Variants in HIP1 observed in about 807,000 individuals in gnomAD.
HIP1 encodes huntingtin-interacting protein 1.
Under a neutral mutation model 147.6 loss-of-function variants are expected in HIP1, and 65 were observed. The observed-to-expected ratio is 0.44, with a 90% CI of 0.36 to 0.54. The LOEUF (loss-of-function observed/expected upper bound fraction) is 0.54, where lower values mean the gene tolerates loss of function less well. Ranked by LOEUF, HIP1 falls within the 20% of genes least tolerant of loss-of-function variation. The pLI, the probability that HIP1 is intolerant of heterozygous loss-of-function variation, is 0.00. For synonymous variants in HIP1, 479 were observed against 504.0 expected, an observed-to-expected ratio of 0.95 and a Z score of 0.67; for missense variants, 1,061 against 1,299.6, an observed-to-expected ratio of 0.82 and a Z score of 2.82.
In HIP1 at chr7:75,682,581, G is replaced by GAAAACAAAACAAAACAAAAC. The variant is rs3216943; in HGVS notation, c.120+56200_120+56219dup. On this transcript the variant is annotated intron_variant, in intron 1 of 30. Coordinates refer to ENST00000336926, the MANE Select transcript of HIP1 (RefSeq NM_005338.7). ...GGCCAACATCCTCATTTTACAGACAGAAAACAAAACAAAACAAAACAAAAC... is the reference window on the plus strand; with the variant it reads ...GGCCAACATCCTCATTTTACAGACAGAAAACAAAACAAAACAAAACAAAACAAAACAAAACAAAACAAAAC... 6.4e-3 allele frequency among the ~76,000 whole-genome samples: 953 copies of GAAAACAAAACAAAACAAAAC among 148,760 alleles called. 16 individuals are homozygous for GAAAACAAAACAAAACAAAAC. The highest frequency in any genetic ancestry group is 0.023 in the African/African-American group (909 of 40,062).
Position 75,707,606 on chromosome 7 carries a change from G to T in HIP1, c.120+31195C>A, listed in dbSNP as rs184735075. Among the ~76,000 whole-genome samples, 87 of 151,448 alleles carry T rather than the reference G, an allele frequency of 5.7e-4. 2 individuals carry two copies. Among genetic ancestry groups the T allele is most frequent in the Admixed American group, 2.2e-3 (33 of 15,204 alleles). On this transcript the variant is annotated intron_variant, in intron 1 of 30. Transcript: ENST00000336926. ...GTTGCCTGTTCACTCTGATGGTAAA[G>T]TTCATATGGAACCAAAAAAGAGCCC...
chr7:75,558,088 G>C (rs587652809), intron 15 of HIP1, 79 bp downstream of exon 15: 7 of 1,172,004 alleles, frequency 6.0e-6, no homozygotes, highest in Non-Finnish European at 8.9e-6. Context: ...TGCTGGCCCC[G>C]GGGAAGCCAC....
chr7:75,607,911 T>C (rs1769272335), intron 1 of HIP1, among the ~76,000 whole-genome samples: 1 of 151,936 alleles, frequency 6.6e-6, no homozygotes, highest in African/African-American at 2.4e-5. Flanking sequence ...GCATTAAAAT[T>C]CACAAGATGA....
intron 14 of HIP1, 34 bp from the exon 15 acceptor site, chr7:75,558,289 C>A: frequency 1.3e-6 from 2 of 1,531,324 alleles, no homozygotes; most frequent in South Asian, 1.1e-5. Flanking sequence ...AGGAGTCTAA[C>A]CTAGCAGGGA....
intron 1 of HIP1, among the ~76,000 whole-genome samples, chr7:75,619,515 C>CAAAAAAAAAAA (rs587631989): frequency 9.1e-6 from 1 of 109,718 alleles, no homozygotes; most frequent in African/African-American, 3.4e-5. Context: ...GACTTTGTCT[C>CAAAAAAAAAAA]AAAAAAAAAA....
intron 1 of HIP1, among the ~76,000 whole-genome samples, chr7:75,666,314 G>A (rs575977068): frequency 6.6e-6 from 1 of 151,940 alleles, no homozygotes; most frequent in East Asian, 1.9e-4. Context: ...GATTACAGGT[G>A]CATCATCACC....
At chr7:75,627,208 G>A (rs1204209309) in intron 1 of HIP1, among the ~76,000 whole-genome samples, 2 of 152,136 alleles carry the variant, frequency 1.3e-5, no homozygotes, top group Non-Finnish European at 2.9e-5. Context: ...CTTCAATGAA[G>A]CAAGTGCTTA....
At chr7:75,666,124 A>G (rs1461688193) in intron 1 of HIP1, among the ~76,000 whole-genome samples, 1 of 151,984 alleles carries the variant, frequency 6.6e-6, no homozygotes, top group Admixed American at 6.6e-5. Flanking sequence ...ACCCTCTTGT[A>G]TGGTAGATTT....
Position 75,537,668 on chromosome 7 carries a change from T to G in HIP1, c.*504A>C. 29 of 235,268 alleles carry G rather than the reference T, an allele frequency of 1.2e-4. No individual in the cohort carries two copies. Among genetic ancestry groups the G allele is most frequent in the South Asian group, 6.9e-4 (4 of 5,770 alleles). 14.6% of individuals were successfully genotyped at this position (235,268 alleles called of 1,614,324 possible). On this transcript the variant is annotated 3_prime_UTR_variant, in exon 31 of 31. Coordinates refer to ENST00000336926, the MANE Select transcript of HIP1 (RefSeq NM_005338.7). Reference sequence around the variant, plus strand: ...TGACTGTGCAGATCTCAGGGTAGTGTCCTGGTTTGGAATCCATCAGCCCTC... The same window carrying G: ...TGACTGTGCAGATCTCAGGGTAGTGGCCTGGTTTGGAATCCATCAGCCCTC...
intron 1 of HIP1, among the ~76,000 whole-genome samples, chr7:75,728,043 G>A (rs1359253940): frequency 2.6e-5 from 4 of 152,114 alleles, no homozygotes; most frequent in Non-Finnish European, 5.9e-5. Flanking sequence ...TAATCTCTCT[G>A]AGCCTCAGTG....
chr7:75,679,785 C>T (rs1563288940), intron 1 of HIP1, among the ~76,000 whole-genome samples: 1 of 152,120 alleles, frequency 6.6e-6, no homozygotes, highest in Non-Finnish European at 1.5e-5. Flanking sequence ...TCCAACAGCC[C>T]ATGCCTTTAA....
At chr7:75,616,162 C>T (rs1002035277) in intron 1 of HIP1, among the ~76,000 whole-genome samples, 2 of 151,280 alleles carry the variant, frequency 1.3e-5, no homozygotes, top group Admixed American at 6.6e-5. Flanking sequence ...CTCGTAACAT[C>T]GTCCTAGACA....
intron 1 of HIP1, among the ~76,000 whole-genome samples, chr7:75,706,623 A>ATTTTTTTTTTTTTTTT (rs71082342): frequency 1.9e-5 from 2 of 103,642 alleles, no homozygotes; most frequent in Non-Finnish European, 1.9e-5. Context: ...TCAACTCGTC[A>ATTTTTTTTTTTTTTTT]TTTTTTTTTT....
intron 3 of HIP1, 24 bp downstream of exon 3, chr7:75,592,348 C>A: frequency 6.3e-7 from 1 of 1,588,598 alleles, no homozygotes; most frequent in South Asian, 1.1e-5. Context: ...GGCTCCCTGC[C>A]ACCCCATAGC....
intron 1 of HIP1, among the ~76,000 whole-genome samples, chr7:75,634,249 G>C (rs1798344330): frequency 6.7e-6 from 1 of 149,746 alleles, no homozygotes; most frequent in Non-Finnish European, 1.5e-5. Context: ...AACAGAGTGA[G>C]ACCTTGTCTC....
Position 75,657,474 on chromosome 7 carries a change from G to A in HIP1, c.121-58227C>T, listed in dbSNP as rs188303514. On this transcript the variant is annotated intron_variant, in intron 1 of 30. Transcript: ENST00000336926. ...GAACCCGGGAGGTGGAGATTGCAGT[G>A]AGCCGAGATCCCGCCATTGCACTCC... 1.4e-3 allele frequency among the ~76,000 whole-genome samples: 213 copies of A among 149,160 alleles called. 1 individual carries two copies. Among genetic ancestry groups the A allele is most frequent in the African/African-American group, 5.1e-3 (205 of 40,538 alleles).
intron 1 of HIP1, among the ~76,000 whole-genome samples, chr7:75,682,857 T>G (rs1277769959): frequency 6.6e-6 from 1 of 152,154 alleles, no homozygotes; most frequent in Non-Finnish European, 1.5e-5. Flanking sequence ...AGGGACTGTG[T>G]GCTAATCTGT....
In HIP1 at chr7:75,639,562, CGTGTGTGT is replaced by C. The variant is rs57827695; in HGVS notation, c.121-40323_121-40316del. On this transcript the variant is annotated intron_variant, in intron 1 of 30. Coordinates refer to ENST00000336926, the MANE Select transcript of HIP1 (RefSeq NM_005338.7). ...GAGAGGCCGCCGGCCCGCCAGGAAG[CGTGTGTGT>C]GTGTGTGTGTGTGTGTGTGTGTGCG... Among the ~76,000 whole-genome samples, 120 of 137,466 alleles carry C rather than the reference CGTGTGTGT, an allele frequency of 8.7e-4. 1 individual carries two copies. The highest frequency in any genetic ancestry group is 3.1e-3 in the African/African-American group (110 of 35,958). 90.2% of individuals were successfully genotyped at this position (137,466 alleles called of 152,430 possible).
In HIP1 at chr7:75,657,756, G is replaced by A. The variant is rs1189598229; in HGVS notation, c.121-58509C>T. 2.6e-5 allele frequency among the ~76,000 whole-genome samples: 4 copies of A among 151,796 alleles called. No homozygotes were observed. The Admixed American group carries it at 2.6e-4, about 10-fold the overall frequency. On this transcript the variant is annotated intron_variant, in intron 1 of 30. Transcript: ENST00000336926. ...ACTCCAAAAGGCAGGAGGGAAGGAG[G>A]GGGAGAAAGGCTGAAAAACTACCTA...
Sources: gnomAD v4.1 joint callset for allele counts (sites outside exome capture counted in the v4.1 genomes callset) on GRCh38, gnomAD v4.1.1 for gene constraint, MANE v1.5 for transcripts, NCBI Gene and HGNC (gene_info 2026-07-23, HGNC 2026-07-21) for gene names.